Variants in ASB3 observed in about 807,000 individuals in gnomAD.
The protein encoded by ASB3 is ankyrin repeat and SOCS box containing 3.
A neutral mutation model predicts 54.5 loss-of-function variants in ASB3; 41 were observed. The observed-to-expected ratio is 0.75, with a 90% CI of 0.59 to 0.98. ASB3 has a LOEUF of 0.98. ASB3 is among the 50% of genes least tolerant of loss of function. ASB3 has a pLI of 0.00. For synonymous variants in ASB3, 266 were observed against 221.2 expected, an observed-to-expected ratio of 1.20 and a Z score of -1.80; for missense variants, 733 against 620.0, an observed-to-expected ratio of 1.18 and a Z score of -1.94.
chr2:53,742,834 G>A (rs1328827004), intron 3 of ASB3, among the ~76,000 whole-genome samples: 1 of 151,724 alleles, frequency 6.6e-6, no homozygotes, highest in Non-Finnish European at 1.5e-5. Context: ...ATGTAAACAC[G>A]CTGGCCCAAG....
chr2:53,746,156 T>C lies in ASB3; in HGVS notation c.355+4627A>G, dbSNP rs1258283148. 2.0e-5 allele frequency among the ~76,000 whole-genome samples: 3 copies of C among 151,284 alleles called. No homozygotes were observed. In the East Asian group the frequency reaches 5.8e-4, roughly 29 times the overall value. On this transcript the variant is annotated intron_variant, in intron 3 of 9. Coordinates refer to ENST00000263634, the MANE Select transcript of ASB3 (RefSeq NM_016115.5). ...AAACATTAAAAAAAAATTAGCTGGG[T>C]GTGGTGGCGGTGCTTGTGGTCCCAG... is the stretch of plus-strand genomic sequence containing the variant.
intron 9 of ASB3, among the ~76,000 whole-genome samples, chr2:53,671,488 G>A (rs1394343929): frequency 3.9e-5 from 6 of 152,168 alleles, no homozygotes; most frequent in South Asian, 4.1e-4. Flanking sequence ...GGCCAGGCGC[G>A]GTGGCTCATG....
intron 3 of ASB3, chr2:53,748,280 C>G (rs1285875782): frequency 2.0e-5 from 3 of 152,206 alleles, no homozygotes; most frequent in African/African-American, 7.2e-5. Flanking sequence ...TGTAAAATCA[C>G]CTTTTTTACT....
chr2:53,715,597 G>C (rs960512001), intron 6 of ASB3, among the ~76,000 whole-genome samples: 1 of 152,062 alleles, frequency 6.6e-6, no homozygotes, highest in Non-Finnish European at 1.5e-5. Flanking sequence ...AAATGATCAA[G>C]AATTGGGGAA....
At chr2:53,781,536 C>T (rs1014571512) in intron 1 of ASB3, among the ~76,000 whole-genome samples, 4 of 151,904 alleles carry the variant, frequency 2.6e-5, no homozygotes, top group African/African-American at 7.3e-5. Context: ...ACTCTTGTTG[C>T]CCAGTCTGGA....
At chr2:53,704,840 T>G (rs1006693782) in intron 7 of ASB3, among the ~76,000 whole-genome samples, 1 of 152,234 alleles carries the variant, frequency 6.6e-6, no homozygotes, top group Non-Finnish European at 1.5e-5. Flanking sequence ...TGATTCCCTG[T>G]GCTTCATGTT....
intron 7 of ASB3, among the ~76,000 whole-genome samples, chr2:53,703,758 G>A (rs866087411): frequency 2.0e-5 from 3 of 152,054 alleles, no homozygotes; most frequent in African/African-American, 7.2e-5. Flanking sequence ...AGATTTCAGA[G>A]AAATACTAGA....
chr2:53,711,692 T>A (rs1388023768), intron 7 of ASB3, among the ~76,000 whole-genome samples: 3 of 151,950 alleles, frequency 2.0e-5, no homozygotes, highest in African/African-American at 7.3e-5. Context: ...GAGAATCACT[T>A]GAACTCGGGA....
intron 6 of ASB3, 45 bp downstream of exon 6, chr2:53,716,521 C>A: frequency 6.3e-7 from 1 of 1,585,520 alleles, no homozygotes; most frequent in Non-Finnish European, 8.6e-7. Context: ...TCTTTATTAG[C>A]TTTTGATTAA....
Position 53,750,946 on chromosome 2 carries a change from G to T in ASB3, c.197-5C>A. On this transcript the variant is annotated splice_polypyrimidine_tract_variant and splice_region_variant and intron_variant, in intron 2 of 9. Transcript: ENST00000263634. ...TAATGTAGTTTTCAGATGAATCTGT[G>T]GAAGAATCAAAGCCCATCAACTAGA... 1 of 1,526,704 alleles carries T rather than the reference G, an allele frequency of 6.6e-7. No homozygotes were observed. Among genetic ancestry groups the T allele is most frequent in the South Asian group, 1.4e-5 (1 of 73,060 alleles). 94.6% of individuals were successfully genotyped at this position (1,526,704 alleles called of 1,614,324 possible).
At chr2:53,750,685 T>C (rs187097477) in intron 3 of ASB3, 98 bp downstream of exon 3, 10 of 1,283,742 alleles carry the variant, frequency 7.8e-6, no homozygotes, top group South Asian at 2.7e-5. Flanking sequence ...CAAAAGAACA[T>C]ACTATAAGCA....
intron 1 of ASB3, chr2:53,767,827 C>G: frequency 6.5e-7 from 1 of 1,550,132 alleles, no homozygotes; most frequent in Non-Finnish European, 8.7e-7. Flanking sequence ...AGGCTTCAGT[C>G]CCCGGCGGCG....
chr2:53,676,324 T>C (rs746324508), intron 9 of ASB3, among the ~76,000 whole-genome samples: 21 of 152,240 alleles, frequency 1.4e-4, no homozygotes, highest in Non-Finnish European at 2.2e-4. Context: ...ACTCATTTCA[T>C]GTTATCTCCA....
chr2:53,724,154 G>A (rs1670861446), intron 5 of ASB3, among the ~76,000 whole-genome samples: 1 of 152,160 alleles, frequency 6.6e-6, no homozygotes, highest in Non-Finnish European at 1.5e-5. Flanking sequence ...AGAATCCACA[G>A]ACAACCCACA....
At position 53,693,919 on chromosome 2, in the gene ASB3, C is replaced by T. The variant is rs11553661; in HGVS notation, c.1334G>A (p.Arg445His). The change falls in exon 9 of 10, where the codon CGT (arginine) becomes CAT (histidine). Residue 445 changes from arginine to histidine, a missense_variant. Arg to His is a conservative substitution (Grantham distance 29, BLOSUM62 0). Coordinates refer to ENST00000263634, the MANE Select transcript of ASB3 (RefSeq NM_016115.5). ...APAVERMLSA[R>H]ASNAWILQQH... Reference sequence around the variant, plus strand: ...CTGTAGAATCCAAGCGTTTGAGGCACGAGCAGAGAGCATCCTTTCAACAGC... The same window carrying T: ...CTGTAGAATCCAAGCGTTTGAGGCATGAGCAGAGAGCATCCTTTCAACAGC... The T allele has an allele frequency of 4.1e-5, 66 of 1,613,474 alleles. No homozygotes were observed. The African/African-American group carries it at 5.5e-4, about 13-fold the overall frequency.
At chr2:53,786,552 A>G (rs776798625) in intron 1 of ASB3, 1 of 152,414 alleles carries the variant, frequency 6.6e-6, no homozygotes, top group Non-Finnish European at 1.5e-5. Context: ...GAAGAGATGG[A>G]GATAAGCCTC....
At chr2:53,775,739 G>A (rs1417069514) in intron 1 of ASB3, among the ~76,000 whole-genome samples, 1 of 152,174 alleles carries the variant, frequency 6.6e-6, no homozygotes, top group Non-Finnish European at 1.5e-5. Context: ...GCCTCCCAAA[G>A]TGCTAGGATT....
At chr2:53,768,121 T>G in intron 1 of ASB3, 7 of 1,352,296 alleles carry the variant, frequency 5.2e-6, no homozygotes, top group Non-Finnish European at 7.1e-6. Flanking sequence ...CCTTAGCGCT[T>G]CATGGGGCCA....
At chr2:53,760,668 C>T (rs562635221) in intron 2 of ASB3, among the ~76,000 whole-genome samples, 1 of 152,314 alleles carries the variant, frequency 6.6e-6, no homozygotes, top group East Asian at 1.9e-4. Context: ...AGACCTTTCA[C>T]TTAGGCATTG....
Sources: allele counts gnomAD v4.1 joint callset (sites outside exome capture counted in the v4.1 genomes callset), GRCh38; gene constraint gnomAD v4.1.1; transcripts MANE v1.5; gene names NCBI Gene and HGNC (gene_info 2026-07-23, HGNC 2026-07-21).